CLIP1: variants seen among roughly 807,000 people sequenced by gnomAD.
CLIP1 encodes the protein CAP-Gly domain-containing linker protein 1.
A neutral mutation model predicts 161.6 loss-of-function variants in CLIP1; 66 were observed. The observed-to-expected ratio is 0.41, with a 90% confidence interval of 0.33 to 0.50. The LOEUF (loss-of-function observed/expected upper bound fraction) is 0.50, where lower values mean the gene tolerates loss of function less well. Ranked by LOEUF, CLIP1 falls within the 20% of genes least tolerant of loss-of-function variation. The pLI, the probability that CLIP1 is intolerant of heterozygous loss-of-function variation, is 0.27. For synonymous variants in CLIP1, 598 were observed against 626.2 expected (o/e 0.96, Z 0.67); for missense variants, 1,376 against 1,702.0 (o/e 0.81, Z 3.37).
chr12:122,386,665 GT>G (rs766033881), intron 1 of CLIP1, among the ~76,000 whole-genome samples: 1 of 152,048 alleles, frequency 6.6e-6, no homozygotes, highest in Non-Finnish European at 1.5e-5. Context: ...CTCAATTTGT[GT>G]GATTCAAGAA....
At chr12:122,378,092 G>GT (rs1239380986) in intron 2 of CLIP1, 132 bp from the exon 3 acceptor site, 16 of 789,040 alleles carry the variant, frequency 2.0e-5, no homozygotes, top group African/African-American at 5.2e-5. Flanking sequence ...TTAAAGTGTG[G>GT]TTTTTTGTTC....
rs767530278 is a variant in CLIP1, at chr12:122,336,637, T to G, written c.2563A>C (p.Ile855Leu). 3 of 1,571,964 alleles carry G rather than the reference T, an allele frequency of 1.9e-6. No homozygotes were observed. In the South Asian group the frequency reaches 3.4e-5, roughly 18 times the overall value. Residue 855 changes from isoleucine (I) to leucine (L), a missense_variant, in exon 12 of 26, where the codon ATT (isoleucine) becomes CTT (leucine). Ile to Leu is a conservative substitution (Grantham distance 5). This residue lies in a region of CLIP1 where 948 missense variants were observed against 1,134.8 expected (regional missense o/e 0.84). Transcript: ENST00000620786. ...GATTCCCAACAGGTACTTACCAAAATCTGAAGTTCTTTTTCCAAAGTCTCT... is the reference window on the plus strand; with the variant it reads ...GATTCCCAACAGGTACTTACCAAAAGCTGAAGTTCTTTTTCCAAAGTCTCT... ...VKETLEKELQILKEKFAEASE... is the reference protein window; with the variant it reads ...VKETLEKELQLLKEKFAEASE...
intron 5 of CLIP1, among the ~76,000 whole-genome samples, chr12:122,358,386 T>G (rs1004431731): frequency 2.1e-4 from 31 of 148,348 alleles, no homozygotes; most frequent in African/African-American, 7.8e-4. Context: ...ACTATTGTCC[T>G]ATGACCCTGC....
chr12:122,310,321 T>A (rs960786119), intron 19 of CLIP1, among the ~76,000 whole-genome samples: 10 of 152,330 alleles, frequency 6.6e-5, no homozygotes, highest in Admixed American at 3.9e-4. Flanking sequence ...AATTTGTTTT[T>A]TTCTGGAAGA....
chr12:122,344,716 G>A (rs1401088307), intron 10 of CLIP1, among the ~76,000 whole-genome samples: 3 of 152,182 alleles, frequency 2.0e-5, no homozygotes, highest in Non-Finnish European at 4.4e-5. Flanking sequence ...TTGAGACCAT[G>A]AATTAAGTCA....
chr12:122,294,759 T>C (rs987617119), intron 20 of CLIP1, among the ~76,000 whole-genome samples: 1 of 143,082 alleles, frequency 7.0e-6, no homozygotes, highest in Non-Finnish European at 1.5e-5. Context: ...ATAAAATAGA[T>C]AAAAATAGGG....
At chr12:122,296,724 T>G (rs1303871841) in intron 20 of CLIP1, among the ~76,000 whole-genome samples, 1 of 151,768 alleles carries the variant, frequency 6.6e-6, no homozygotes, top group East Asian at 1.9e-4. Flanking sequence ...TAGAGCTGAG[T>G]GCGGTGGCTC....
chr12:122,278,394 C>A, intron 23 of CLIP1, 191 bp from the exon 24 acceptor site: 1 of 616,178 alleles, frequency 1.6e-6, no homozygotes. Flanking sequence ...GTCTCACAGA[C>A]ACCAGCCTTG....
intron 4 of CLIP1, among the ~76,000 whole-genome samples, chr12:122,362,952 A>G (rs1252713276): frequency 1.3e-5 from 2 of 152,168 alleles, no homozygotes; most frequent in Non-Finnish European, 2.9e-5. Context: ...TCTATGAGTC[A>G]TAATTACTGT....
intron 12 of CLIP1, among the ~76,000 whole-genome samples, chr12:122,335,461 T>A (rs1365276249): frequency 1.3e-5 from 2 of 148,394 alleles, no homozygotes; most frequent in South Asian, 2.1e-4. Context: ...AGGCAAGGCA[T>A]CCTAAAAGCT....
chr12:122,375,377 C>A (rs946721985), intron 3 of CLIP1, among the ~76,000 whole-genome samples: 1 of 150,774 alleles, frequency 6.6e-6, no homozygotes, highest in African/African-American at 2.4e-5. Context: ...AGTGCAGTGG[C>A]GCAAACTCAG....
intron 10 of CLIP1, 32 bp downstream of exon 10, chr12:122,347,343 G>T: frequency 6.8e-7 from 1 of 1,478,704 alleles, no homozygotes; most frequent in Non-Finnish European, 9.5e-7. Context: ...CACATGCATG[G>T]GTCTGCTTCA....
intron 1 of CLIP1, among the ~76,000 whole-genome samples, chr12:122,391,221 G>A (rs781528557): frequency 3.0e-4 from 46 of 152,218 alleles, no homozygotes; most frequent in South Asian, 1.2e-3. Flanking sequence ...CCAGGAGGCA[G>A]GATCTGCAGT....
At position 122,341,017 on chromosome 12, in the gene CLIP1, T is replaced by C; in HGVS notation, c.2187A>G (p.Glu729=). ...KAEDQHLVEM[E]DTLNKLQEAE... ...CTTCCTGTAATTTGTTTAACGTGTC[T>C]TCCATTTCTACGAGATGCTGGTCTT... is the stretch of plus-strand genomic sequence containing the variant. The change falls in exon 11 of 26, where the codon GAA becomes GAG. Residue 729 remains glutamate (E), a synonymous_variant. Transcript: ENST00000620786. 11 of 1,614,222 alleles carry C rather than the reference T, an allele frequency of 6.8e-6. No homozygotes were observed. Among genetic ancestry groups the C allele is most frequent in the Non-Finnish European group, 9.3e-6 (11 of 1,180,042 alleles).
chr12:122,275,644 G>A (rs7968420), intron 24 of CLIP1: 33,345 of 147,814 alleles, frequency 0.23, 5,010 homozygotes, highest in East Asian at 0.62. Flanking sequence ...ACACACACGC[G>A]CACACACACA....
intron 1 of CLIP1, among the ~76,000 whole-genome samples, chr12:122,390,314 A>ATGTG (rs1227767057): frequency 7.2e-6 from 1 of 138,996 alleles, no homozygotes. Context: ...GTATATATAT[A>ATGTG]TATATTATTT....
intron 5 of CLIP1, among the ~76,000 whole-genome samples, chr12:122,359,754 G>A (rs61140498): frequency 0.051 from 7,812 of 152,114 alleles, 514 homozygotes; most frequent in African/African-American, 0.16. Flanking sequence ...TCTGCCCGAC[G>A]ACAATGGAAG....
intron 19 of CLIP1, among the ~76,000 whole-genome samples, chr12:122,314,205 C>T (rs975854973): frequency 2.0e-5 from 3 of 150,686 alleles, no homozygotes; most frequent in African/African-American, 7.3e-5. Flanking sequence ...GCAGGAGAAT[C>T]GCTTCAACCC....
At chr12:122,413,706 A>G (rs1037854066) in intron 1 of CLIP1, among the ~76,000 whole-genome samples, 3 of 152,194 alleles carry the variant, frequency 2.0e-5, no homozygotes, top group Non-Finnish European at 4.4e-5. Flanking sequence ...GAGGGTTCCC[A>G]ATAGGGATTC....
Sources: allele counts gnomAD v4.1 joint callset (sites outside exome capture counted in the v4.1 genomes callset), GRCh38; gene constraint gnomAD v4.1.1; regional missense constraint gnomAD v4.1.1; transcripts MANE v1.5; gene names NCBI Gene and HGNC (gene_info 2026-07-23, HGNC 2026-07-21).